The following LRRC37A2 variants were observed in gnomAD, a reference collection of about 807,000 sequenced individuals.
The protein encoded by LRRC37A2 is leucine rich repeat containing 37 member A2, also known as leucine-rich repeat-containing protein 37A2.
LRRC37A2 carries 9 observed loss-of-function variants against 68.8 expected under a neutral mutation model. The ratio of observed to expected loss-of-function variants is 0.13; its 90% CI spans 0.08 to 0.23. LRRC37A2 has a LOEUF of 0.23. Among genes scored for constraint, LRRC37A2 ranks in the 10% least tolerant of loss-of-function variants. The probability of loss-of-function intolerance (pLI) is 1.00; values close to 1 mark genes in which losing one functional copy is unlikely to be tolerated. For synonymous variants in LRRC37A2, 63 were observed against 367.6 expected, an observed-to-expected ratio of 0.17 and a Z score of 9.48; for missense variants, 168 against 950.4, an observed-to-expected ratio of 0.18 and a Z score of 10.82.
At chr17:46,939,936 A>G in the LRRC37A2 span, 6 of 1,002,276 alleles carry the variant, frequency 6.0e-6, no homozygotes, top group South Asian at 1.7e-4. Flanking sequence ...CCACAGGCCT[A>G]CCAGCCCTGG....
At chr17:46,978,517 C>A in the LRRC37A2 span, 2 of 1,176,310 alleles carry the variant, frequency 1.7e-6, no homozygotes, top group South Asian at 3.2e-5. Flanking sequence ...GCCGCGTCCC[C>A]GCCCGGGCGC....
chr17:46,742,681 A>G, the LRRC37A2 span, among the ~76,000 whole-genome samples: 13 of 152,138 alleles, frequency 8.5e-5, no homozygotes, highest in South Asian at 2.1e-4. Flanking sequence ...CTGTGTGGCT[A>G]TGGAAGGGAA....
chr17:46,985,249 G>T, the LRRC37A2 span, among the ~76,000 whole-genome samples: 5 of 152,196 alleles, frequency 3.3e-5, no homozygotes, highest in Admixed American at 1.3e-4. Flanking sequence ...AGGCAGTTCA[G>T]GCCAACCATG....
In LRRC37A2 at chr17:46,530,477, AG is replaced by A. The variant is rs2053533426; in HGVS notation, c.2906+6595del. 2.2e-5 allele frequency among the ~76,000 whole-genome samples: 3 copies of A among 134,604 alleles called. No individual in the cohort carries two copies. The South Asian group carries it at 7.1e-4, about 32-fold the overall frequency. The allele number at this position is 134,604 out of a possible 152,430, so 88.3% of individuals were successfully genotyped here. ...GGAAAGAGGAGGGGGATCACAAGGC[AG>A]GACAAGCTGTGTGGCTCCCAGCCTC... is the stretch of plus-strand genomic sequence containing the variant. On this transcript the variant is annotated intron_variant, in intron 6 of 14. Transcript: ENST00000576629.
the LRRC37A2 span, among the ~76,000 whole-genome samples, chr17:46,398,379 G>C: frequency 6.6e-6 from 1 of 152,076 alleles, no homozygotes; most frequent in East Asian, 1.9e-4. Context: ...AATGATTTTT[G>C]TGAGACAAAG....
the LRRC37A2 span, among the ~76,000 whole-genome samples, chr17:46,812,077 G>A: frequency 1.2e-4 from 18 of 152,278 alleles, no homozygotes; most frequent in African/African-American, 3.9e-4. Context: ...CCAGCCCGTC[G>A]CCATCCAGTC....
the LRRC37A2 span, among the ~76,000 whole-genome samples, chr17:46,813,868 G>C: frequency 7.9e-3 from 1,201 of 152,302 alleles, 10 homozygotes; most frequent in African/African-American, 0.027. Flanking sequence ...TAGGCTGAGT[G>C]CATTCTTTGG....
At chr17:46,941,225 T>G in the LRRC37A2 span, 1 of 996,238 alleles carries the variant, frequency 1.0e-6, no homozygotes, top group Admixed American at 5.3e-5. Context: ...GAGTCTTGAT[T>G]TTTTAGACTT....
the LRRC37A2 span, among the ~76,000 whole-genome samples, chr17:46,992,853 C>CAAAAAAAAAAA: frequency 2.3e-4 from 15 of 65,168 alleles, no homozygotes; most frequent in African/African-American, 3.5e-4. Context: ...AACTCCATCT[C>CAAAAAAAAAAA]AAAAAAAAAA....
At chr17:46,977,744 G>A in the LRRC37A2 span, among the ~76,000 whole-genome samples, 1 of 152,362 alleles carries the variant, frequency 6.6e-6, no homozygotes, top group South Asian at 2.1e-4. Flanking sequence ...TAGGGACAAA[G>A]CAAGCCCTTA....
chr17:47,038,602 CCTT>C, the LRRC37A2 span, among the ~76,000 whole-genome samples: 1 of 144,080 alleles, frequency 6.9e-6, no homozygotes, highest in East Asian at 2.0e-4. Flanking sequence ...CTCACCCCCT[CCTT>C]TATACTGTTA....
chr17:46,962,439 C>G, the LRRC37A2 span, among the ~76,000 whole-genome samples: 1 of 152,100 alleles, frequency 6.6e-6, no homozygotes, highest in Admixed American at 6.5e-5. Context: ...CACATCAAAT[C>G]TGGACTGGCC....
chr17:47,012,435 A>G, the LRRC37A2 span, among the ~76,000 whole-genome samples: 2 of 152,218 alleles, frequency 1.3e-5, no homozygotes, highest in Non-Finnish European at 2.9e-5. Context: ...CACCACCAAG[A>G]AAGTGAAAGG....
At chr17:46,851,349 G>T in the LRRC37A2 span, among the ~76,000 whole-genome samples, 2 of 151,642 alleles carry the variant, frequency 1.3e-5, no homozygotes, top group African/African-American at 2.4e-5. This position sits in a 1 kb window ranked among gnomAD's most constrained non-coding sequence, Gnocchi z 4.3. Flanking sequence ...GACCCCGGGC[G>T]GGCGCGGCGC....
the LRRC37A2 span, among the ~76,000 whole-genome samples, chr17:46,916,092 G>T: frequency 6.6e-6 from 1 of 152,198 alleles, no homozygotes; most frequent in Non-Finnish European, 1.5e-5. Context: ...CCCACCTCCA[G>T]CTGGTACAAG....
the LRRC37A2 span, among the ~76,000 whole-genome samples, chr17:47,008,132 A>T: frequency 6.9e-6 from 1 of 144,252 alleles, no homozygotes; most frequent in Non-Finnish European, 1.5e-5. Flanking sequence ...TTTTTTTGAG[A>T]CAGAGTCTCA....
At chr17:46,750,596 A>G in the LRRC37A2 span, among the ~76,000 whole-genome samples, 1 of 152,214 alleles carries the variant, frequency 6.6e-6, no homozygotes, top group East Asian at 1.9e-4. Context: ...TTAGAGAAGA[A>G]AGATGAATAT....
chr17:46,890,226 C>T, the LRRC37A2 span, among the ~76,000 whole-genome samples: 8 of 151,702 alleles, frequency 5.3e-5, no homozygotes, highest in Non-Finnish European at 7.4e-5. Flanking sequence ...GAGCCCATTA[C>T]GTTCCTTCAT....
chr17:46,784,653 G>A, the LRRC37A2 span, among the ~76,000 whole-genome samples: 465 of 152,210 alleles, frequency 3.1e-3, 1 homozygote, highest in Middle Eastern at 3.4e-3. Flanking sequence ...GGCAGCAGGC[G>A]CCCAGGTCTG....
Sources: allele counts gnomAD v4.1 joint callset (sites outside exome capture counted in the v4.1 genomes callset), GRCh38; gene constraint gnomAD v4.1.1; non-coding constraint Gnocchi (gnomAD v3.1); transcripts MANE v1.5; gene names NCBI Gene and HGNC (gene_info 2026-07-23, HGNC 2026-07-21).